The following RPS6KA2 variants were observed in gnomAD, a reference collection of about 807,000 sequenced individuals.
The protein encoded by RPS6KA2 is ribosomal protein S6 kinase alpha-2.
RPS6KA2 carries 42 observed loss-of-function variants against 91.8 expected under a neutral mutation model. That is an observed-to-expected ratio of 0.46 (90% CI 0.36 to 0.59). RPS6KA2 has a LOEUF of 0.59. Among genes scored for constraint, RPS6KA2 ranks in the 20% least tolerant of loss-of-function variants. The pLI is 0.00. For synonymous variants in RPS6KA2, 414 were observed against 393.6 expected (o/e 1.05, Z -0.61); for missense variants, 798 against 978.5 (o/e 0.82, Z 2.46).
intron 6 of RPS6KA2, among the ~76,000 whole-genome samples, chr6:166,503,403 G>C (rs893396456): frequency 2.6e-5 from 4 of 152,252 alleles, no homozygotes; most frequent in African/African-American, 9.6e-5. Context: ...ACCAGCTTCG[G>C]AGCAGGGCTT....
intron 2 of RPS6KA2, among the ~76,000 whole-genome samples, chr6:166,788,560 A>C (rs919699633): frequency 1.3e-5 from 2 of 152,226 alleles, no homozygotes; most frequent in Non-Finnish European, 2.9e-5. Context: ...GCTGGAAGCC[A>C]TCATCCTCAA....
chr6:166,448,467 C>T lies in RPS6KA2; in HGVS notation c.1332+257G>A, dbSNP rs1422414877. ...CAAAGCAAACTGAACTCCATCATAT[C>T]AGAGCTTGGAAAATGGCAAATGGAG... On this transcript the variant is annotated intron_variant, in intron 14 of 20. Transcript: ENST00000265678. This position sits in a 1 kb window ranked among gnomAD's most constrained non-coding sequence, Gnocchi z 4.7. Among the ~76,000 whole-genome samples the T allele has an allele frequency of 6.6e-6, 1 of 152,214 alleles. No individual in the cohort carries two copies. Among genetic ancestry groups the T allele is most frequent in the Admixed American group, 6.5e-5 (1 of 15,276 alleles).
At chr6:166,566,577 G>A (rs1784511801) in intron 1 of RPS6KA2, among the ~76,000 whole-genome samples, 1 of 152,206 alleles carries the variant, frequency 6.6e-6, no homozygotes, top group Non-Finnish European at 1.5e-5. Context: ...AGCTCCATGC[G>A]ATGCTATGGT....
chr6:166,696,803 C>T (rs1395864571), intron 2 of RPS6KA2, among the ~76,000 whole-genome samples: 1 of 152,222 alleles, frequency 6.6e-6, no homozygotes, highest in South Asian at 2.1e-4. Flanking sequence ...GCCTGGCCAC[C>T]TTGAGCTGGG....
rs183024624 is a variant in RPS6KA2 at position 166,681,125 on chromosome 6, C to T, written c.124-142341G>A. Among the ~76,000 whole-genome samples the T allele has an allele frequency of 3.6e-3, 554 of 152,274 alleles. 4 individuals carry two copies. Among genetic ancestry groups the T allele is most frequent in the African/African-American group, 0.013 (529 of 41,552 alleles). On this transcript the variant is annotated intron_variant, in intron 2 of 21. Transcript: ENST00000503859. Reference sequence around the variant, plus strand: ...GAAGGTGGAAAGGGCAGAGAGGCAGCGCCAGAGCACAGATCTAGCCACAAC... The same window carrying T: ...GAAGGTGGAAAGGGCAGAGAGGCAGTGCCAGAGCACAGATCTAGCCACAAC...
At chr6:166,681,692 C>A (rs796746077) in intron 2 of RPS6KA2, among the ~76,000 whole-genome samples, 37 of 3,082 alleles carry the variant, frequency 0.012, no homozygotes, top group African/African-American at 0.019. Context: ...CCCTGCCCGC[C>A]CCCCCCCCCG....
At chr6:166,755,855 GA>G (rs1777992379) in intron 2 of RPS6KA2, among the ~76,000 whole-genome samples, 2 of 152,276 alleles carry the variant, frequency 1.3e-5, no homozygotes, top group South Asian at 4.2e-4. Context: ...GCTGGGTAAG[GA>G]GCTGGAATTC....
chr6:166,812,066 G>A lies in RPS6KA2; in HGVS notation c.123+46134C>T, dbSNP rs115171646. 4.1e-3 allele frequency among the ~76,000 whole-genome samples: 628 copies of A among 152,286 alleles called. 4 individuals are homozygous for A. Among genetic ancestry groups the A allele is most frequent in the African/African-American group, 0.015 (605 of 41,570 alleles). On this transcript the variant is annotated intron_variant, in intron 2 of 21. Coordinates refer to the RPS6KA2 transcript ENST00000503859. ...CATCCTGGAAAACGAGTGGATGAAA[G>A]CAAGCGGGTCGGTTGTGGTGGCTCA...
At position 166,678,549 on chromosome 6, in the gene RPS6KA2, C is replaced by T. The variant is rs543150851; in HGVS notation, c.124-139765G>A. On this transcript the variant is annotated intron_variant, in intron 2 of 21. Transcript: ENST00000503859. ...ATTTCACAGAAGGAACTTTGGTTCTCTTAAATAAGGCTTCCACTCTGCATG... is the reference window on the plus strand; with the variant it reads ...ATTTCACAGAAGGAACTTTGGTTCTTTTAAATAAGGCTTCCACTCTGCATG... 3.3e-5 allele frequency among the ~76,000 whole-genome samples: 5 copies of T among 152,344 alleles called. No individual in the cohort carries two copies. The South Asian group carries it at 1.0e-3, about 32-fold the overall frequency.
At chr6:166,564,199 C>G (rs1784425759) in intron 1 of RPS6KA2, among the ~76,000 whole-genome samples, 1 of 152,200 alleles carries the variant, frequency 6.6e-6, no homozygotes. Context: ...TTCTTTCCTC[C>G]TCCAGGTGTC....
At chr6:166,707,506 T>C (rs1170475391) in intron 2 of RPS6KA2, among the ~76,000 whole-genome samples, 1 of 152,028 alleles carries the variant, frequency 6.6e-6, no homozygotes, top group Non-Finnish European at 1.5e-5. Context: ...GGAATGAAAA[T>C]GACTTATAAA....
intron 2 of RPS6KA2, among the ~76,000 whole-genome samples, chr6:166,828,072 G>T (rs1439835074): frequency 2.6e-5 from 4 of 152,214 alleles, no homozygotes; most frequent in Non-Finnish European, 5.9e-5. Context: ...GAAACATGCT[G>T]GAGGAAAAAG....
At chr6:166,769,666 A>G (rs1778413733) in intron 2 of RPS6KA2, among the ~76,000 whole-genome samples, 1 of 152,262 alleles carries the variant, frequency 6.6e-6, no homozygotes, top group Non-Finnish European at 1.5e-5. Context: ...TACCACAAGT[A>G]TGGAAAAAGT....
intron 1 of RPS6KA2, among the ~76,000 whole-genome samples, chr6:166,547,667 G>A (rs1365604931): frequency 1.3e-5 from 2 of 152,270 alleles, no homozygotes; most frequent in African/African-American, 4.8e-5. Flanking sequence ...TGTGCAGCAC[G>A]AGGTCATGTT....
At chr6:166,431,342 G>A (rs1334735702) in intron 15 of RPS6KA2, among the ~76,000 whole-genome samples, 1 of 152,220 alleles carries the variant, frequency 6.6e-6, no homozygotes, top group African/African-American at 2.4e-5. Flanking sequence ...CAATCTTGGG[G>A]ATCTTGCTAA....
chr6:166,480,342 A>G (rs2128469469), intron 10 of RPS6KA2, among the ~76,000 whole-genome samples: 1 of 151,944 alleles, frequency 6.6e-6, no homozygotes, highest in African/African-American at 2.4e-5. Flanking sequence ...GCACAAAAAC[A>G]TTCACGGAAA....
At chr6:166,854,702 T>C (rs1222165082) in intron 2 of RPS6KA2, among the ~76,000 whole-genome samples, 1 of 152,222 alleles carries the variant, frequency 6.6e-6, no homozygotes, top group African/African-American at 2.4e-5. Flanking sequence ...ACAACAGATG[T>C]TGGCAAGGAT....
chr6:166,480,230 C>T (rs1005143872), intron 10 of RPS6KA2, among the ~76,000 whole-genome samples: 6 of 151,922 alleles, frequency 3.9e-5, no homozygotes, highest in Admixed American at 3.3e-4. Flanking sequence ...CAAATGTGTG[C>T]CTCTGTGCTA....
intron 5 of RPS6KA2, 23 bp from the exon 6 acceptor site, chr6:166,504,635 A>G: frequency 6.6e-7 from 1 of 1,515,870 alleles, no homozygotes; most frequent in Non-Finnish European, 9.1e-7. Context: ...AAACAAAAAC[A>G]AAAACAAAAA....
Sources: gnomAD v4.1 joint callset for allele counts (sites outside exome capture counted in the v4.1 genomes callset) on GRCh38, gnomAD v4.1.1 for gene constraint, Gnocchi (gnomAD v3.1) non-coding constraint, MANE v1.5 for transcripts, NCBI Gene and HGNC (gene_info 2026-07-23, HGNC 2026-07-21) for gene names.